MASP1: variants seen among roughly 807,000 people sequenced by gnomAD.
The protein encoded by MASP1 is MBL associated serine protease 1.
A neutral mutation model predicts 77.1 loss-of-function variants in MASP1; 59 were observed. The observed-to-expected ratio is 0.77, with a 90% CI of 0.62 to 0.95. The LOEUF is 0.95. Among genes scored for constraint, MASP1 ranks in the 40% least tolerant of loss-of-function variants. The pLI is 0.00. For synonymous variants in MASP1, 362 were observed against 354.5 expected, an observed-to-expected ratio of 1.02 and a Z score of -0.24; for missense variants, 885 against 912.9, an observed-to-expected ratio of 0.97 and a Z score of 0.39.
intron 11 of MASP1, among the ~76,000 whole-genome samples, chr3:187,229,052 C>T (rs2108505993): frequency 6.6e-6 from 1 of 152,314 alleles, no homozygotes; most frequent in Admixed American, 6.5e-5. Flanking sequence ...GGATCCGATG[C>T]AGAAGTGGTC....
intron 10 of MASP1, among the ~76,000 whole-genome samples, chr3:187,239,432 T>C (rs1713449425): frequency 6.6e-6 from 1 of 152,156 alleles, no homozygotes. Flanking sequence ...CCCAGAGATA[T>C]GAAAATACTT....
At chr3:187,263,021 T>G (rs1438801664) in intron 2 of MASP1, 3 of 358,732 alleles carry the variant, frequency 8.4e-6, no homozygotes, top group African/African-American at 6.3e-5. Context: ...TTTTAAAAAG[T>G]TAGATAACCT....
intron 14 of MASP1, among the ~76,000 whole-genome samples, chr3:187,221,597 A>G (rs1336031132): frequency 6.6e-6 from 1 of 152,176 alleles, no homozygotes; most frequent in Non-Finnish European, 1.5e-5. Flanking sequence ...TATTTGATAT[A>G]CTAATCATTG....
At chr3:187,290,864 T>C (rs1164485879) in intron 1 of MASP1, among the ~76,000 whole-genome samples, 1 of 151,992 alleles carries the variant, frequency 6.6e-6, no homozygotes, top group African/African-American at 2.4e-5. Flanking sequence ...ACTTGCAGGA[T>C]AGAACTTGTA....
intron 4 of MASP1, 59 bp from the exon 5 acceptor site, chr3:187,256,919 C>A: frequency 6.8e-7 from 1 of 1,470,578 alleles, no homozygotes; most frequent in Non-Finnish European, 9.5e-7. Flanking sequence ...GCAAGCCTGG[C>A]TTATCTGTTA....
chr3:187,223,019 C>A, intron 14 of MASP1: 1 of 975,544 alleles, frequency 1.0e-6, no homozygotes, highest in South Asian at 1.3e-5. Context: ...GTTTCCCACT[C>A]ACCAACCCCC....
chr3:187,262,445 C>G (rs1715664194), intron 3 of MASP1, 98 bp downstream of exon 3: 1 of 1,164,742 alleles, frequency 8.6e-7, no homozygotes, highest in South Asian at 1.2e-5. Flanking sequence ...CTATGTGGTG[C>G]ACACACAGAT....
downstream of MASP1, chr3:187,229,641 C>T: frequency 1.5e-6 from 2 of 1,337,694 alleles, no homozygotes; most frequent in Non-Finnish European, 2.1e-6. Context: ...CTTTCTACCG[C>T]ACTGTGCTTC....
intron 8 of MASP1, among the ~76,000 whole-genome samples, chr3:187,248,215 T>A (rs1714264862): frequency 6.6e-6 from 1 of 152,176 alleles, no homozygotes; most frequent in Admixed American, 6.5e-5. Flanking sequence ...CAGGGTGTTC[T>A]GTTGTATGCT....
chr3:187,238,329 G>C (rs1244645354), intron 10 of MASP1, among the ~76,000 whole-genome samples: 1 of 152,188 alleles, frequency 6.6e-6, no homozygotes, highest in Admixed American at 6.5e-5. Context: ...GTTGTTAATG[G>C]GAAAGCCAGA....
chr3:187,285,307 G>A (rs1398369704), intron 2 of MASP1, among the ~76,000 whole-genome samples: 1 of 151,958 alleles, frequency 6.6e-6, no homozygotes, highest in African/African-American at 2.4e-5. Flanking sequence ...CAAACTACTT[G>A]GCATGACATT....
In MASP1 at chr3:187,260,746, C is replaced by T; in HGVS notation, c.542G>A (p.Cys181Tyr). The T allele has an allele frequency of 6.2e-7, 1 of 1,614,188 alleles. No individual in the cohort carries two copies. Among genetic ancestry groups the T allele is most frequent in the South Asian group, 1.1e-5 (1 of 91,076 alleles). ...CAATCATTGGTAGGCTCTACCTCGGCAGGTCCTGTTGTCTGTGTGGAGGAT... is the reference window on the plus strand; with the variant it reads ...CAATCATTGGTAGGCTCTACCTCGGTAGGTCCTGTTGTCTGTGTGGAGGAT... The part of the protein sequence containing the change: ...GYILHTDNRT[C>Y]RVECSDNLFT... The change falls in exon 4 of 11, where the codon TGC becomes TAC. Residue 181 changes from cysteine to tyrosine, a missense_variant. By Grantham distance (194) the Cys-to-Tyr change is radical. Coordinates refer to ENST00000296280, the MANE Select transcript of MASP1 (RefSeq NM_139125.4).
intron 6 of MASP1, among the ~76,000 whole-genome samples, chr3:187,252,183 T>A (rs1579516942): frequency 6.6e-6 from 1 of 152,304 alleles, no homozygotes; most frequent in South Asian, 2.1e-4. Context: ...CTGGGAGGGC[T>A]AAGCATGGCA....
chr3:187,283,540 C>T (rs1717602988), intron 2 of MASP1, among the ~76,000 whole-genome samples: 2 of 152,092 alleles, frequency 1.3e-5, no homozygotes, highest in South Asian at 4.1e-4. Context: ...AGTTAAGAGT[C>T]AAATCTTAAG....
In MASP1 at chr3:187,236,358, C is replaced by T; in HGVS notation, c.1513G>A (p.Asp505Asn). Residue 505 changes from aspartate (D) to asparagine (N), a missense_variant, in exon 11 of 11, where the codon GAC becomes AAC. Transcript: ENST00000296280. ...AAHVLRSQRR[D>N]TTVIPVSKEH... ...TTGGAGACTGGTATCACCGTGGTGTCTCTACGCTGGGAGCGCAGCACATGA... is the reference window on the plus strand; with the variant it reads ...TTGGAGACTGGTATCACCGTGGTGTTTCTACGCTGGGAGCGCAGCACATGA... 1 of 1,614,238 alleles carries T rather than the reference C, an allele frequency of 6.2e-7. No homozygotes were observed. Among genetic ancestry groups the T allele is most frequent in the African/African-American group, 1.3e-5 (1 of 75,058 alleles).
chr3:187,278,523 C>T (rs1168145692), intron 2 of MASP1, among the ~76,000 whole-genome samples: 1 of 152,226 alleles, frequency 6.6e-6, no homozygotes, highest in African/African-American at 2.4e-5. Flanking sequence ...CCCACTCTTA[C>T]GACTCTTTAA....
At chr3:187,260,582 T>G (rs1256684822) in intron 4 of MASP1, among the ~76,000 whole-genome samples, 159 bp downstream of exon 4, 1 of 152,162 alleles carries the variant, frequency 6.6e-6, no homozygotes, top group African/African-American at 2.4e-5. Flanking sequence ...CCAGGCTGGG[T>G]GGGCATTTCT....
At chr3:187,266,895 G>A (rs710470) in intron 2 of MASP1, among the ~76,000 whole-genome samples, 30,543 of 152,062 alleles carry the variant, frequency 0.2, 3,286 homozygotes, top group African/African-American at 0.27. Context: ...GCTACTCTAT[G>A]GAAGAACAGC....
chr3:187,220,302 T>A (rs371311601), intron 15 of MASP1: 9 of 1,582,962 alleles, frequency 5.7e-6, no homozygotes, highest in Non-Finnish European at 7.8e-6. Flanking sequence ...AAATGCCCCT[T>A]CCCAGCCCAA....
Sources: allele counts gnomAD v4.1 joint callset (sites outside exome capture counted in the v4.1 genomes callset), GRCh38; gene constraint gnomAD v4.1.1; transcripts MANE v1.5; gene names NCBI Gene and HGNC (gene_info 2026-07-23, HGNC 2026-07-21).